The following PHF14 variants were observed in gnomAD, a reference collection of about 807,000 sequenced individuals.
The protein encoded by PHF14 is PHD finger protein 14.
A neutral mutation model predicts 117.9 loss-of-function variants in PHF14; 55 were observed. The ratio of observed to expected loss-of-function variants is 0.47; its 90% confidence interval spans 0.38 to 0.58. The LOEUF (loss-of-function observed/expected upper bound fraction) is 0.58. Ranked by LOEUF, PHF14 falls within the 20% of genes least tolerant of loss-of-function variation. PHF14 has a pLI of 0.00. For synonymous variants in PHF14, 409 were observed against 368.6 expected (o/e 1.11, Z -1.26); for missense variants, 978 against 1,122.2 (o/e 0.87, Z 1.84).
chr7:11,000,381 T>C (rs1266669730), intron 4 of PHF14, among the ~76,000 whole-genome samples: 2 of 147,624 alleles, frequency 1.4e-5, no homozygotes, highest in Admixed American at 1.4e-4. Flanking sequence ...GCTCTGTTGT[T>C]CTGGCTGGAG....
intron 17 of PHF14, among the ~76,000 whole-genome samples, chr7:11,128,129 T>C (rs559086885): frequency 2.1e-4 from 32 of 152,228 alleles, no homozygotes; most frequent in African/African-American, 7.5e-4. Flanking sequence ...AGAAATAACA[T>C]AAAATATATG....
chr7:11,138,619 T>C (rs1050520352), intron 17 of PHF14, among the ~76,000 whole-genome samples: 2 of 152,130 alleles, frequency 1.3e-5, no homozygotes, highest in Non-Finnish European at 2.9e-5. Context: ...AACAATAACA[T>C]ATAAATCATA....
rs758832780 is a variant in PHF14 at position 11,028,921 on chromosome 7, T to C, written c.1455+103T>C. 123 of 940,534 alleles carry C rather than the reference T, an allele frequency of 1.3e-4. 1 individual carries two copies. Among genetic ancestry groups the C allele is most frequent in the Non-Finnish European group, 1.7e-4 (112 of 653,210 alleles). The allele number at this position is 940,534 out of a possible 1,614,324, so 58.3% of individuals were successfully genotyped here. A position where few individuals can be genotyped will look rare whatever the true frequency, so the allele number is the denominator to read the frequency against. On this transcript the variant is annotated intron_variant, in intron 7 of 17. Transcript: ENST00000634607. ...ATAATAAAAGAAATTTTAACATTTA[T>C]TCTTAAAGTTCTTGCCAAGATCACT... is the stretch of plus-strand genomic sequence containing the variant.
chr7:11,025,844 G>T (rs905754619), intron 6 of PHF14, among the ~76,000 whole-genome samples: 4 of 152,040 alleles, frequency 2.6e-5, no homozygotes, highest in African/African-American at 9.7e-5. Context: ...GGGTGCGGTG[G>T]CTCACGCCTG....
At chr7:11,006,750 C>T (rs1014645811) in intron 4 of PHF14, 21 of 697,092 alleles carry the variant, frequency 3.0e-5, no homozygotes, top group East Asian at 5.8e-5. Context: ...GGGTGACATG[C>T]GGATCTTCTT....
chr7:11,146,814 CA>C (rs1222019054), intron 17 of PHF14, among the ~76,000 whole-genome samples: 1 of 152,052 alleles, frequency 6.6e-6, no homozygotes, highest in Non-Finnish European at 1.5e-5. Context: ...CACTTTTGTG[CA>C]AATCAACGAT....
chr7:11,096,529 T>G (rs1786872858), intron 16 of PHF14, among the ~76,000 whole-genome samples: 1 of 152,176 alleles, frequency 6.6e-6, no homozygotes, highest in Non-Finnish European at 1.5e-5. Flanking sequence ...GATGCCATTT[T>G]CCAGTTCATT....
At chr7:11,146,188 GAAAT>G (rs1160302063) in intron 17 of PHF14, among the ~76,000 whole-genome samples, 24 of 152,008 alleles carry the variant, frequency 1.6e-4, no homozygotes, top group African/African-American at 5.5e-4. Flanking sequence ...ATTATATTTT[GAAAT>G]ACAATTTTTA....
At chr7:11,065,751 A>G (rs1562447945) in intron 16 of PHF14, among the ~76,000 whole-genome samples, 1 of 152,290 alleles carries the variant, frequency 6.6e-6, no homozygotes, top group Admixed American at 6.5e-5. Flanking sequence ...CGAACTATCA[A>G]ATTAGGAATA....
chr7:11,137,455 A>AT (rs548459575), intron 17 of PHF14, among the ~76,000 whole-genome samples: 62 of 151,980 alleles, frequency 4.1e-4, no homozygotes, highest in African/African-American at 9.2e-4. Context: ...CATTTATTTA[A>AT]TTTTTTTCAT....
intron 4 of PHF14, chr7:11,006,758 CT>C: frequency 1.9e-5 from 14 of 725,794 alleles, no homozygotes; most frequent in East Asian, 2.8e-5. Context: ...TGCGGATCTT[CT>C]TTTTTGGTGG....
At chr7:11,096,321 A>G (rs1020212450) in intron 16 of PHF14, among the ~76,000 whole-genome samples, 1 of 152,204 alleles carries the variant, frequency 6.6e-6, no homozygotes, top group Non-Finnish European at 1.5e-5. Flanking sequence ...TTCTTATCCT[A>G]AAGTTTTTGA....
intron 7 of PHF14, among the ~76,000 whole-genome samples, chr7:11,029,456 G>A (rs1030883170): frequency 1.3e-5 from 2 of 152,172 alleles, no homozygotes; most frequent in East Asian, 1.9e-4. Context: ...AGAACCCACC[G>A]AATATAGAAA....
chr7:11,099,361 C>T (rs1787001689), intron 16 of PHF14, among the ~76,000 whole-genome samples: 1 of 151,806 alleles, frequency 6.6e-6, no homozygotes, highest in Admixed American at 6.6e-5. Flanking sequence ...AAATTTTTAA[C>T]ACATTTTTAA....
chr7:11,054,266 A>G (rs1238342994), intron 14 of PHF14, among the ~76,000 whole-genome samples: 1 of 151,998 alleles, frequency 6.6e-6, no homozygotes, highest in Admixed American at 6.6e-5. Context: ...CTTTGGACCC[A>G]TTCTGGAATT....
intron 6 of PHF14, among the ~76,000 whole-genome samples, chr7:11,024,800 G>A (rs2128319139): frequency 6.6e-6 from 1 of 152,300 alleles, no homozygotes; most frequent in African/African-American, 2.4e-5. Flanking sequence ...TGAAGTACAA[G>A]GAGATTAATG....
At position 11,122,331 on chromosome 7, in the gene PHF14, T is replaced by TTATATATATATATATA. The variant is rs146463909; in HGVS notation, c.2772+10871_2772+10886dup. On this transcript the variant is annotated intron_variant, in intron 17 of 17. Coordinates refer to ENST00000634607, the MANE Select transcript of PHF14 (RefSeq NM_001007157.2). Reference sequence around the variant, plus strand: ...AAGGGGAGATTACTGTTTGTACTTTTTATATATATATATATATATATACAC... The same window carrying TTATATATATATATATA: ...AAGGGGAGATTACTGTTTGTACTTTTTATATATATATATATATATATATATATATATATATATACAC... 2.1e-3 allele frequency among the ~76,000 whole-genome samples: 176 copies of TTATATATATATATATA among 83,878 alleles called. 2 individuals are homozygous for TTATATATATATATATA. Among genetic ancestry groups the TTATATATATATATATA allele is most frequent in the African/African-American group, 8.1e-3 (136 of 16,792 alleles). The allele number at this position is 83,878 out of a possible 152,430, so 55.0% of individuals were successfully genotyped here. A position where few individuals can be genotyped will look rare whatever the true frequency, so the allele number is the denominator to read the frequency against.
intron 7 of PHF14, among the ~76,000 whole-genome samples, chr7:11,033,609 A>T (rs1046032921): frequency 1.3e-5 from 2 of 152,178 alleles, no homozygotes; most frequent in African/African-American, 4.8e-5. Context: ...TAATGGGAAG[A>T]ATGGATATTG....
chr7:11,083,725 G>A (rs946717979), intron 16 of PHF14, among the ~76,000 whole-genome samples: 1 of 152,048 alleles, frequency 6.6e-6, no homozygotes, highest in African/African-American at 2.4e-5. Flanking sequence ...CTCCCAAAGT[G>A]CTAGGAGTAC....
Sources: allele counts gnomAD v4.1 joint callset (sites outside exome capture counted in the v4.1 genomes callset), GRCh38; gene constraint gnomAD v4.1.1; transcripts MANE v1.5; gene names NCBI Gene and HGNC (gene_info 2026-07-23, HGNC 2026-07-21).